Variants in PTTG1 observed in about 807,000 individuals in gnomAD.
PTTG1 encodes securin.
In PTTG1, 8 loss-of-function variants were observed where a neutral mutation model predicts 20.0. That is an observed-to-expected ratio of 0.40 (90% CI 0.23 to 0.72). The LOEUF is 0.72. PTTG1 is among the 30% of genes least tolerant of loss of function. The probability of loss-of-function intolerance (pLI) is 0.38; values close to 1 mark genes in which losing one functional copy is unlikely to be tolerated. For missense variants in PTTG1, 197 were observed against 236.0 expected (o/e 0.83, Z 1.08); for synonymous variants, 79 against 87.2 (o/e 0.91, Z 0.52).
chr5:160,424,302 A>G lies in PTTG1; in HGVS notation c.342A>G (p.Ile114Met). The change falls in exon 4 of 6, where the codon ATA becomes ATG. Residue 114 changes from isoleucine (I) to methionine (M), a missense_variant. Ile to Met is a conservative substitution (Grantham distance 10, BLOSUM62 1). Coordinates refer to ENST00000352433, the MANE Select transcript of PTTG1 (RefSeq NM_004219.4). ...CCTCAGATGATGCCTATCCAGAAATAGAAAAATTCTTTCCCTTCAATCCTC... is the reference window on the plus strand; with the variant it reads ...CCTCAGATGATGCCTATCCAGAAATGGAAAAATTCTTTCCCTTCAATCCTC... ...VPASDDAYPEIEKFFPFNPLD... is the reference protein window; with the variant it reads ...VPASDDAYPEMEKFFPFNPLD... 1 of 1,611,376 alleles carries G rather than the reference A, an allele frequency of 6.2e-7. No homozygotes were observed. The highest frequency in any genetic ancestry group is 8.5e-7 in the Non-Finnish European group (1 of 1,177,810).
intron 4 of PTTG1, 47 bp downstream of exon 4, chr5:160,424,377 T>A: frequency 3.7e-6 from 5 of 1,336,852 alleles, no homozygotes; most frequent in Non-Finnish European, 5.3e-6. Context: ...CTTTAGTTTC[T>A]TAGTATTCAG....
intron 1 of PTTG1, 192 bp from the exon 2 acceptor site, chr5:160,422,110 C>T: frequency 1.9e-6 from 1 of 539,082 alleles, no homozygotes. Flanking sequence ...CTGCTCGGGA[C>T]CTTAGAGCCT....
rs1441614270 is a variant in PTTG1 at position 160,422,844 on chromosome 5, A to G, written c.227A>G (p.Lys76Arg). 6.2e-7 allele frequency: 1 copy of G among 1,614,094 alleles called. No individual in the cohort carries two copies. Among genetic ancestry groups the G allele is most frequent in the Non-Finnish European group, 8.5e-7 (1 of 1,180,046 alleles). ...TVNRATEKSV[K>R]TKGPLKQKQP... ...AACAGAGCTACAGAAAAGTCTGTAA[A>G]GACCAAGGGACCCCTCAAACAAAAA... is the stretch of plus-strand genomic sequence containing the variant. Residue 76 changes from lysine to arginine, a missense_variant, in exon 3 of 6, where the codon AAG becomes AGG. Transcript: ENST00000352433.
chr5:160,424,406 T>C (rs1765772447), intron 4 of PTTG1, 76 bp downstream of exon 4: 2 of 1,090,770 alleles, frequency 1.8e-6, no homozygotes, highest in Non-Finnish European at 2.7e-6. Context: ...TAACTTGTTA[T>C]GAATATAATA....
At chr5:160,427,634 C>A (rs1765831758) in intron 4 of PTTG1, 81 bp from the exon 5 acceptor site, 3 of 1,473,214 alleles carry the variant, frequency 2.0e-6, no homozygotes, top group Middle Eastern at 1.8e-4. Flanking sequence ...TGGACCCCCT[C>A]AAAGGGTCTC....
chr5:160,427,314 G>T (rs1448628067), intron 4 of PTTG1, among the ~76,000 whole-genome samples: 1 of 152,190 alleles, frequency 6.6e-6, no homozygotes, highest in Non-Finnish European at 1.5e-5. Flanking sequence ...GTGTACAGTG[G>T]AAGTGCTTTA....
intron 4 of PTTG1, among the ~76,000 whole-genome samples, chr5:160,427,001 C>T (rs1445620200): frequency 2.0e-5 from 3 of 152,052 alleles, no homozygotes; most frequent in African/African-American, 4.8e-5. Flanking sequence ...GAGATTGTGC[C>T]ACTGCACTGC....
At position 160,428,718 on chromosome 5, in the gene PTTG1, T is replaced by G; in HGVS notation, c.*37T>G. The G allele has an allele frequency of 1.3e-6, 2 of 1,548,484 alleles. No individual in the cohort carries two copies. The highest frequency in any genetic ancestry group is 1.1e-5 in the South Asian group (1 of 89,542). On this transcript the variant is annotated 3_prime_UTR_variant, in exon 6 of 6. Coordinates refer to ENST00000352433, the MANE Select transcript of PTTG1 (RefSeq NM_004219.4). ...CTTCAGAGTTTGTGTGTATTTGTAT[T>G]AATAAAGCATTCTTTAACAGATTCT...
chr5:160,423,607 A>G (rs990445306), intron 3 of PTTG1, among the ~76,000 whole-genome samples: 2 of 152,260 alleles, frequency 1.3e-5, no homozygotes, highest in African/African-American at 4.8e-5. Context: ...GGCAAAAACA[A>G]TGAGACACAG....
chr5:160,427,834 C>A lies in PTTG1; in HGVS notation c.490C>A (p.Pro164Thr). The A allele has an allele frequency of 6.2e-7, 1 of 1,614,164 alleles. No individual in the cohort carries two copies. The highest frequency in any genetic ancestry group is 8.5e-7 in the Non-Finnish European group (1 of 1,180,024). Residue 164 changes from proline (P) to threonine (T), a missense_variant, in exon 5 of 6, where the codon CCT becomes ACT. Coordinates refer to ENST00000352433, the MANE Select transcript of PTTG1 (RefSeq NM_004219.4). ...ELEKLFQLGP[P>T]SPVKMPSPPW... ...TGAAAAGCTGTTTCAGCTGGGCCCC[C>A]CTTCACCTGTGAAGATGCCCTCTCC...
intron 4 of PTTG1, 88 bp from the exon 5 acceptor site, chr5:160,427,627 A>G (rs1259786603): frequency 5.0e-6 from 7 of 1,398,668 alleles, no homozygotes; most frequent in Non-Finnish European, 4.9e-6. Context: ...GACCTCATGG[A>G]CCCCCTCAAA....
intron 2 of PTTG1, 48 bp from the exon 3 acceptor site, chr5:160,422,661 C>T (rs1156392974): frequency 6.3e-7 from 1 of 1,594,420 alleles, no homozygotes; most frequent in Admixed American, 1.7e-5. Flanking sequence ...TTAAGTTGTA[C>T]AGGTATTTTG....
At chr5:160,426,674 C>T (rs1221724265) in intron 4 of PTTG1, among the ~76,000 whole-genome samples, 2 of 152,224 alleles carry the variant, frequency 1.3e-5, no homozygotes, top group African/African-American at 4.8e-5. Flanking sequence ...ATCAAAAGCA[C>T]ATTAATACCA....
chr5:160,422,200 T>G (rs1018542610), intron 1 of PTTG1, 102 bp from the exon 2 acceptor site: 10 of 795,642 alleles, frequency 1.3e-5, no homozygotes, highest in Non-Finnish European at 1.9e-5. Flanking sequence ...GTTTAGCTCT[T>G]GTTTTTTGTG....
intron 4 of PTTG1, among the ~76,000 whole-genome samples, chr5:160,426,530 A>G (rs1419848281): frequency 6.6e-6 from 1 of 152,222 alleles, no homozygotes; most frequent in East Asian, 1.9e-4. Context: ...GTATCTTGAC[A>G]GTAAAATCCA....
At chr5:160,422,956 A>C in intron 3 of PTTG1, 63 bp downstream of exon 3, 1 of 1,528,794 alleles carries the variant, frequency 6.5e-7, no homozygotes. Flanking sequence ...TAAAATGACT[A>C]TTGGCATCAT....
chr5:160,425,537 ACT>A (rs1765788893), intron 4 of PTTG1, among the ~76,000 whole-genome samples: 1 of 151,632 alleles, frequency 6.6e-6, no homozygotes, highest in African/African-American at 2.4e-5. Context: ...ATGTTTTAAA[ACT>A]CTAATCTTTA....
At position 160,424,264 on chromosome 5, in the gene PTTG1, A is replaced by C; in HGVS notation, c.304A>C (p.Ser102Arg). 1 of 1,612,624 alleles carries C rather than the reference A, an allele frequency of 6.2e-7. No homozygotes were observed. ...KMTEKTVKAK[S>R]SVPASDDAYP... is the part of the protein sequence containing the mutation. ...GACTGAGAAGACTGTTAAAGCAAAA[A>C]GCTCTGTTCCTGCCTCAGATGATGC... The change falls in exon 4 of 6, where the codon AGC becomes CGC. Residue 102 changes from serine (S) to arginine (R), a missense_variant. Coordinates refer to ENST00000352433, the MANE Select transcript of PTTG1 (RefSeq NM_004219.4).
chr5:160,421,976 A>AGCTGGG (rs1446194919), intron 1 of PTTG1, 85 bp downstream of exon 1: 2 of 206,054 alleles, frequency 9.7e-6, no homozygotes, highest in Non-Finnish European at 1.0e-5. Context: ...CTGGGGCTGA[A>AGCTGGG]GCTGGGGCTG....
Sources: allele counts gnomAD v4.1 joint callset (sites outside exome capture counted in the v4.1 genomes callset), GRCh38; gene constraint gnomAD v4.1.1; transcripts MANE v1.5; gene names NCBI Gene and HGNC (gene_info 2026-07-23, HGNC 2026-07-21).